KIF1B: variants seen among roughly 807,000 people sequenced by gnomAD.
The protein encoded by KIF1B is kinesin family member 1B.
KIF1B carries 76 observed loss-of-function variants against 241.9 expected under a neutral mutation model. That is an observed-to-expected ratio of 0.31 (90% confidence interval 0.26 to 0.38). The LOEUF (loss-of-function observed/expected upper bound fraction) is 0.38. Among genes scored for constraint, KIF1B ranks in the 10% least tolerant of loss-of-function variants. The pLI is 1.00. For missense variants in KIF1B, 1,622 were observed against 2,271.4 expected (o/e 0.71, Z 5.81); for synonymous variants, 750 against 796.7 (o/e 0.94, Z 0.99).
intron 11 of KIF1B, among the ~76,000 whole-genome samples, chr1:10,275,910 T>C (rs1445724962): frequency 3.2e-5 from 1 of 30,978 alleles, no homozygotes; most frequent in Admixed American, 2.9e-4. Context: ...CTTCTCCTAC[T>C]TTTTTTTTTT....
intron 5 of KIF1B, among the ~76,000 whole-genome samples, chr1:10,265,030 G>A (rs1287562026): frequency 2.6e-5 from 4 of 151,526 alleles, no homozygotes; most frequent in African/African-American, 9.7e-5. Flanking sequence ...GTGCAGTGGT[G>A]CAAACAGGGT....
At chr1:10,279,293 C>T (rs1649283661) in intron 14 of KIF1B, among the ~76,000 whole-genome samples, 155 bp downstream of exon 14, 1 of 152,170 alleles carries the variant, frequency 6.6e-6, no homozygotes, top group African/African-American at 2.4e-5. Context: ...TATTTTTGCC[C>T]TTCTTCATTT....
At chr1:10,249,436 G>C (rs1165022780) in intron 2 of KIF1B, among the ~76,000 whole-genome samples, 1 of 152,018 alleles carries the variant, frequency 6.6e-6, no homozygotes, top group Admixed American at 6.6e-5. Flanking sequence ...TTTAATCAGA[G>C]TTGTACATGA....
intron 5 of KIF1B, among the ~76,000 whole-genome samples, chr1:10,266,669 C>G (rs1295662898): frequency 6.6e-6 from 1 of 152,202 alleles, no homozygotes; most frequent in Non-Finnish European, 1.5e-5. Context: ...TAATAGAAAT[C>G]TTATTTCCGA....
chr1:10,256,438 A>T (rs576245635), intron 3 of KIF1B, 115 bp downstream of exon 3: 91 of 772,902 alleles, frequency 1.2e-4, no homozygotes, highest in Non-Finnish European at 2.0e-4. Flanking sequence ...ACTGTTGTGT[A>T]GCATGAGTTC....
intron 27 of KIF1B, among the ~76,000 whole-genome samples, chr1:10,327,081 C>T (rs1405182638): frequency 1.3e-5 from 2 of 152,114 alleles, no homozygotes; most frequent in Non-Finnish European, 1.5e-5. Context: ...CGGTGGCTCA[C>T]CCCTGTAATC....
chr1:10,379,248 A>T lies in KIF1B; in HGVS notation c.*2661A>T, dbSNP rs6694522. ...ATGACTTTTGTTTTTCTTCTAACTC[A>T]TACAAAACTGGTTTGGAAAGTCTTT... On this transcript the variant is annotated 3_prime_UTR_variant, in exon 49 of 49. Coordinates refer to ENST00000676179, the MANE Select transcript of KIF1B (RefSeq NM_001365951.3). 6,159 of 231,994 alleles carry T rather than the reference A, an allele frequency of 0.027. 379 individuals carry two copies. Among genetic ancestry groups the T allele is most frequent in the African/African-American group, 0.12 (5,641 of 45,354 alleles). 14.4% of individuals were successfully genotyped at this position (231,994 alleles called of 1,614,324 possible).
intron 1 of KIF1B, among the ~76,000 whole-genome samples, chr1:10,221,396 C>T (rs1034314411): frequency 1.9e-4 from 29 of 152,176 alleles, no homozygotes; most frequent in Non-Finnish European, 8.8e-5. Flanking sequence ...TTGCGCCCGG[C>T]CTCCTTTTCT....
At chr1:10,323,383 C>T (rs754873270) in intron 24 of KIF1B, among the ~76,000 whole-genome samples, 3 of 152,002 alleles carry the variant, frequency 2.0e-5, no homozygotes, top group East Asian at 1.9e-4. Flanking sequence ...TGATCTGAGC[C>T]GCCGAGGTGG....
chr1:10,315,005 T>G (rs973012356), intron 22 of KIF1B, among the ~76,000 whole-genome samples: 1 of 150,430 alleles, frequency 6.6e-6, no homozygotes, highest in Non-Finnish European at 1.5e-5. Context: ...TTTCCCCGAC[T>G]CCCCAGCTTT....
intron 2 of KIF1B, among the ~76,000 whole-genome samples, chr1:10,239,753 G>A (rs1160306220): frequency 2.7e-5 from 4 of 150,258 alleles, no homozygotes; most frequent in Non-Finnish European, 5.9e-5. Context: ...GACTACAGGC[G>A]CCCACCACCA....
Position 10,365,263 on chromosome 1 carries a change from T to C in KIF1B, c.4512+18T>C. On this transcript the variant is annotated intron_variant, in intron 42 of 48. Transcript: ENST00000676179. The surrounding 1 kb of genome is among the most constrained non-coding windows in gnomAD (Gnocchi z 4.0). ...TACATGAGGTATCCAGGGGCAGGGT[T>C]GTTCAGATGCAAGAACTCTCGGACA... 3 of 1,613,874 alleles carry C rather than the reference T, an allele frequency of 1.9e-6. No individual in the cohort carries two copies. In the South Asian group the frequency reaches 3.3e-5, roughly 18 times the overall value.
At chr1:10,234,672 C>G (rs1044541496) in intron 2 of KIF1B, among the ~76,000 whole-genome samples, 1 of 151,892 alleles carries the variant, frequency 6.6e-6, no homozygotes, top group Non-Finnish European at 1.5e-5. Flanking sequence ...CAGGCATGTG[C>G]CACTATGCCT....
At chr1:10,325,004 A>G (rs982740949) in intron 26 of KIF1B, 109 bp downstream of exon 26, 47 of 1,266,744 alleles carry the variant, frequency 3.7e-5, no homozygotes, top group Non-Finnish European at 5.3e-5. Context: ...AAGGTGTAAA[A>G]AGGCCTTATC....
chr1:10,375,012 T>C lies in KIF1B; in HGVS notation c.5255T>C (p.Val1752Ala), dbSNP rs764695981. The change falls in exon 47 of 49, where the codon GTG (valine) becomes GCG (alanine). Residue 1752 changes from valine (V) to alanine (A), a missense_variant. By Grantham distance (64) the Val-to-Ala change is moderately conservative. Transcript: ENST00000676179. ...ATCATTAACCTGTCCACAGCACAGG[T>C]GGAGTACAGTGAGGACCAGCAGGCC... Reference protein sequence around the residue: ...RGIINLSTAQVEYSEDQQAMV... With the variant: ...RGIINLSTAQAEYSEDQQAMV... 1.9e-6 allele frequency: 3 copies of C among 1,614,168 alleles called. No homozygotes were observed. The South Asian group carries it at 3.3e-5, about 18-fold the overall frequency.
intron 22 of KIF1B, among the ~76,000 whole-genome samples, chr1:10,317,045 ACCTGTAATC>A (rs1419026172): frequency 6.6e-6 from 1 of 151,230 alleles, no homozygotes; most frequent in Non-Finnish European, 1.5e-5. Flanking sequence ...GGTGGCTCAC[ACCTGTAATC>A]CCAGCACTTT....
At position 10,326,499 on chromosome 1, in the gene KIF1B, G is replaced by A. The variant is rs996582258; in HGVS notation, c.2924+140G>A. 1 of 1,147,380 alleles carries A rather than the reference G, an allele frequency of 8.7e-7. No homozygotes were observed. Among genetic ancestry groups the A allele is most frequent in the Non-Finnish European group, 1.3e-6 (1 of 777,344 alleles). 71.1% of individuals were successfully genotyped at this position (1,147,380 alleles called of 1,614,324 possible). A position where few individuals can be genotyped will look rare whatever the true frequency, so the allele number is the denominator to read the frequency against. Reference sequence around the variant, plus strand: ...TTTTTCAAGTTCTCCAATACTTCAAGCTCTTAGTCAGTGCTGGTCTGGCTG... The same window carrying A: ...TTTTTCAAGTTCTCCAATACTTCAAACTCTTAGTCAGTGCTGGTCTGGCTG... On this transcript the variant is annotated intron_variant, in intron 27 of 48. Coordinates refer to ENST00000676179, the MANE Select transcript of KIF1B (RefSeq NM_001365951.3). The surrounding 1 kb of genome is among the most constrained non-coding windows in gnomAD (Gnocchi z 5.2).
chr1:10,343,326 G>A (rs1272061094), intron 34 of KIF1B, 39 bp downstream of exon 34: 5 of 1,575,944 alleles, frequency 3.2e-6, no homozygotes, highest in Middle Eastern at 1.7e-4. Context: ...TGATCTCTTT[G>A]TGAATACATG....
intron 22 of KIF1B, among the ~76,000 whole-genome samples, chr1:10,313,812 A>C (rs184203614): frequency 5.3e-5 from 8 of 151,556 alleles, no homozygotes; most frequent in South Asian, 2.1e-4. Context: ...GGCCTCCCAA[A>C]GTGTTGAGAT....
Sources: allele counts gnomAD v4.1 joint callset (sites outside exome capture counted in the v4.1 genomes callset), GRCh38; gene constraint gnomAD v4.1.1; non-coding constraint Gnocchi (gnomAD v3.1); transcripts MANE v1.5; gene names NCBI Gene and HGNC (gene_info 2026-07-23, HGNC 2026-07-21).